UTP18: variants seen among roughly 807,000 people sequenced by gnomAD.
The protein encoded by UTP18 is UTP18 small subunit processome component, also known as U3 small nucleolar RNA-associated protein 18 homolog.
Under a neutral mutation model 61.1 loss-of-function variants are expected in UTP18, and 36 were observed. The observed-to-expected ratio is 0.59, with a 90% CI of 0.45 to 0.78. The LOEUF (loss-of-function observed/expected upper bound fraction) is 0.78, where lower values mean the gene tolerates loss of function less well. Ranked by LOEUF, UTP18 falls within the 30% of genes least tolerant of loss-of-function variation. The probability of loss-of-function intolerance (pLI) is 0.00; values close to 1 mark genes in which losing one functional copy is unlikely to be tolerated. For missense variants in UTP18, 753 were observed against 693.9 expected, an observed-to-expected ratio of 1.09 and a Z score of -0.96; for synonymous variants, 282 against 251.1, an observed-to-expected ratio of 1.12 and a Z score of -1.16.
At chr17:51,273,336 C>T in intron 4 of UTP18, 26 bp from the exon 5 acceptor site, 1 of 1,571,940 alleles carries the variant, frequency 6.4e-7, no homozygotes, top group Non-Finnish European at 8.7e-7. Flanking sequence ...TTCTAAAGAT[C>T]AGCCTTCTGG....
At position 51,276,633 on chromosome 17, in the gene UTP18, A is replaced by G. The variant is rs1003310079; in HGVS notation, c.838-497A>G. 2.0e-5 allele frequency among the ~76,000 whole-genome samples: 3 copies of G among 152,188 alleles called. No individual in the cohort carries two copies. The South Asian group carries it at 6.2e-4, about 32-fold the overall frequency. On this transcript the variant is annotated intron_variant, in intron 6 of 13. Coordinates refer to ENST00000225298, the MANE Select transcript of UTP18 (RefSeq NM_016001.3). The stretch of plus-strand genomic sequence containing the variant: ...ACCTGGCCCTTCACTTCAGGATGTC[A>G]CTCTCTGATGGGGGTATAGATGGTG...
chr17:51,276,536 A>T (rs1460754188), intron 6 of UTP18, among the ~76,000 whole-genome samples: 2 of 152,224 alleles, frequency 1.3e-5, no homozygotes, highest in Non-Finnish European at 2.9e-5. Flanking sequence ...TCATGACTTT[A>T]CTGGGTCTTC....
At chr17:51,272,365 C>T (rs1021058711) in intron 4 of UTP18, among the ~76,000 whole-genome samples, 2 of 152,200 alleles carry the variant, frequency 1.3e-5, no homozygotes, top group Admixed American at 6.5e-5. Flanking sequence ...TCGCAAAGTG[C>T]TGGGATTACA....
chr17:51,287,936 A>G, intron 10 of UTP18, 93 bp from the exon 11 acceptor site: 1 of 967,270 alleles, frequency 1.0e-6, no homozygotes, highest in Non-Finnish European at 1.4e-6. Context: ...ATTCCTGTAA[A>G]TACCAGTTTG....
At chr17:51,278,593 A>G (rs1021988698) in intron 7 of UTP18, among the ~76,000 whole-genome samples, 1 of 151,900 alleles carries the variant, frequency 6.6e-6, no homozygotes, top group African/African-American at 2.4e-5. Context: ...CCTTCCCAGT[A>G]TTTCTCCTTT....
chr17:51,294,155 A>G lies in UTP18; in HGVS notation c.1646+110A>G, dbSNP rs183061514. 8.4e-6 allele frequency: 7 copies of G among 838,168 alleles called. No homozygotes were observed. In the African/African-American group the frequency reaches 1.1e-4, roughly 13 times the overall value. 51.9% of individuals were successfully genotyped at this position (838,168 alleles called of 1,614,324 possible). On this transcript the variant is annotated intron_variant, in intron 12 of 13. Transcript: ENST00000225298. ...ACAGTTAATAAATTCTAGTCTGTTT[A>G]TCTTGACTCTCATCTTCATTATCTT...
chr17:51,292,218 T>C (rs2144445781), intron 11 of UTP18, among the ~76,000 whole-genome samples: 1 of 152,346 alleles, frequency 6.6e-6, no homozygotes, highest in African/African-American at 2.4e-5. Context: ...TACTTAAAAG[T>C]AATTTCTCGA....
chr17:51,276,329 A>C (rs34049859), intron 6 of UTP18, among the ~76,000 whole-genome samples: 1 of 152,194 alleles, frequency 6.6e-6, no homozygotes, highest in African/African-American at 2.4e-5. Context: ...ACTTCAGTGT[A>C]CAAGGAACCA....
At chr17:51,295,342 G>T (rs1417587695) in intron 12 of UTP18, among the ~76,000 whole-genome samples, 5 of 151,818 alleles carry the variant, frequency 3.3e-5, no homozygotes, top group African/African-American at 9.7e-5. Context: ...GGTCTAACAT[G>T]TAAGTCTTTA....
intron 2 of UTP18, among the ~76,000 whole-genome samples, chr17:51,264,554 A>C (rs1385330405): frequency 6.6e-6 from 1 of 151,928 alleles, no homozygotes; most frequent in Admixed American, 6.5e-5. Flanking sequence ...TTCCCATTGA[A>C]AGGTGTCAGT....
chr17:51,292,171 A>G (rs752755264), intron 11 of UTP18, among the ~76,000 whole-genome samples: 86 of 152,324 alleles, frequency 5.6e-4, no homozygotes, highest in Middle Eastern at 3.4e-3. Flanking sequence ...GTAAAACAGG[A>G]GTCTGCTTTT....
chr17:51,260,797 G>C lies in UTP18; in HGVS notation c.213G>C (p.Arg71=). The C allele has an allele frequency of 6.3e-7, 1 of 1,580,978 alleles. No individual in the cohort carries two copies. The highest frequency in any genetic ancestry group is 8.6e-7 in the Non-Finnish European group (1 of 1,165,022). The change falls in exon 1 of 14, where the codon CGG becomes CGC. Residue 71 remains arginine, a synonymous_variant. Transcript: ENST00000225298. The part of the protein sequence containing the change: ...IAVAAAEEER[R]LRQRNRLRLE... ...TCGCGGCGGCGGAGGAAGAGAGACG[G>C]CTCCGGCAGCGGAACCGCCTGAGGC...
intron 3 of UTP18, among the ~76,000 whole-genome samples, chr17:51,266,785 G>GT (rs1220991456): frequency 6.6e-6 from 1 of 152,162 alleles, no homozygotes; most frequent in African/African-American, 2.4e-5. Context: ...AAAATTAACA[G>GT]TTTACGGCTA....
At chr17:51,276,119 A>G (rs973928218) in intron 6 of UTP18, 128 bp downstream of exon 6, 1 of 956,978 alleles carries the variant, frequency 1.0e-6, no homozygotes, top group Non-Finnish European at 1.5e-6. Flanking sequence ...CCCGAAGCAT[A>G]GCTAAGTCTC....
chr17:51,279,295 C>T (rs530845708), intron 7 of UTP18, among the ~76,000 whole-genome samples: 1 of 152,242 alleles, frequency 6.6e-6, no homozygotes, highest in South Asian at 2.1e-4. Flanking sequence ...ACTTGGCTCT[C>T]TAAGCATTTT....
chr17:51,266,142 C>CTT, intron 2 of UTP18, 40 bp from the exon 3 acceptor site: 1 of 1,466,434 alleles, frequency 6.8e-7, no homozygotes, highest in Non-Finnish European at 9.1e-7. Context: ...TATATTAACT[C>CTT]TTTAAAAGTT....
At chr17:51,279,528 G>T (rs1485050550) in intron 7 of UTP18, among the ~76,000 whole-genome samples, 1 of 151,256 alleles carries the variant, frequency 6.6e-6, no homozygotes, top group Non-Finnish European at 1.5e-5. Context: ...GACTCACAAA[G>T]TTAAAGATGA....
At position 51,277,050 on chromosome 17, in the gene UTP18, A is replaced by G. The variant is rs191053497; in HGVS notation, c.838-80A>G. ...CTTGGATATGTATTTTTAAATGAAC[A>G]CTTGTAGTGAAAAGTATATACTACC... On this transcript the variant is annotated intron_variant, in intron 6 of 13. Coordinates refer to ENST00000225298, the MANE Select transcript of UTP18 (RefSeq NM_016001.3). The G allele has an allele frequency of 4.9e-6, 7 of 1,425,644 alleles. No homozygotes were observed. The Admixed American group carries it at 8.3e-5, about 17-fold the overall frequency. The allele number at this position is 1,425,644 out of a possible 1,614,324, so 88.3% of individuals were successfully genotyped here.
In UTP18 at chr17:51,260,779, G is replaced by A. The variant is rs886518550; in HGVS notation, c.195G>A (p.Ala65=). 1 of 1,578,580 alleles carries A rather than the reference G, an allele frequency of 6.3e-7. No homozygotes were observed. The highest frequency in any genetic ancestry group is 1.3e-5 in the African/African-American group (1 of 74,202). ...SAAAAAIAVA[A]AEEERRLRQR... is the part of the protein sequence containing the mutation. ...CGGCCGCTGCGATTGCAGTCGCGGC[G>A]GCGGAGGAAGAGAGACGGCTCCGGC... The change falls in exon 1 of 14, where the codon GCG becomes GCA. Residue 65 remains alanine (A), a synonymous_variant. Coordinates refer to ENST00000225298, the MANE Select transcript of UTP18 (RefSeq NM_016001.3).
Sources: allele counts gnomAD v4.1 joint callset (sites outside exome capture counted in the v4.1 genomes callset), GRCh38; gene constraint gnomAD v4.1.1; transcripts MANE v1.5; gene names NCBI Gene and HGNC (gene_info 2026-07-23, HGNC 2026-07-21).